XKR9: variants seen among roughly 807,000 people sequenced by gnomAD.
The protein encoded by XKR9 is XK-related protein 9.
XKR9 carries 32 observed loss-of-function variants against 32.0 expected under a neutral mutation model. The observed-to-expected ratio is 1.00, with a 90% CI of 0.76 to 1.34. XKR9 has a LOEUF of 1.34. Among genes scored for constraint, XKR9 ranks in the 40% most tolerant of loss-of-function variants. XKR9 has a pLI of 0.00. For synonymous variants in XKR9, 168 were observed against 143.4 expected (o/e 1.17, Z -1.22); for missense variants, 546 against 429.7 (o/e 1.27, Z -2.39).
rs748250359 is a variant in XKR9, at chr8:70,681,312, A to C, written c.254A>C (p.Gln85Pro). ...TGTTTTCTTCTACTTCATTGCTTGC[A>C]AGGAGGAGTTTTTACAAGGTGAGCA... ...QHCFLLLHCLQGGVFTRYWFA... is the reference protein window; with the variant it reads ...QHCFLLLHCLPGGVFTRYWFA... The change falls in exon 3 of 5, where the codon CAA becomes CCA. Residue 85 changes from glutamine to proline, a missense_variant. Transcript: ENST00000408926. The C allele has an allele frequency of 7.4e-6, 12 of 1,612,096 alleles. No homozygotes were observed. In the Admixed American group the frequency reaches 2.0e-4, roughly 27 times the overall value.
At chr8:70,855,996 A>G in the XKR9 span, among the ~76,000 whole-genome samples, 6 of 152,226 alleles carry the variant, frequency 3.9e-5, no homozygotes, top group Non-Finnish European at 8.8e-5. Flanking sequence ...ATGGAAAGGA[A>G]CAACTGGTAT....
the XKR9 span, among the ~76,000 whole-genome samples, chr8:71,045,629 G>T: frequency 6.6e-6 from 1 of 152,230 alleles, no homozygotes; most frequent in Non-Finnish European, 1.5e-5. Flanking sequence ...CTTAGCAGCA[G>T]GTGGTGTGCC....
chr8:70,829,631 G>A, the XKR9 span, among the ~76,000 whole-genome samples: 1 of 152,028 alleles, frequency 6.6e-6, no homozygotes, highest in Non-Finnish European at 1.5e-5. Context: ...TGTATTTTTA[G>A]TAGAGACGGG....
intron 3 of XKR9, among the ~76,000 whole-genome samples, chr8:70,704,614 T>A (rs1805655884): frequency 6.6e-6 from 1 of 152,100 alleles, no homozygotes; most frequent in South Asian, 2.1e-4. Flanking sequence ...ATTATTAGAG[T>A]CTTGCATTCT....
the XKR9 span, among the ~76,000 whole-genome samples, chr8:70,848,878 T>A: frequency 6.6e-6 from 1 of 151,362 alleles, no homozygotes; most frequent in Admixed American, 6.6e-5. Flanking sequence ...GGTAAAGGGA[T>A]CAATGCAACG....
At chr8:70,815,748 A>C in the XKR9 span, among the ~76,000 whole-genome samples, 2 of 151,892 alleles carry the variant, frequency 1.3e-5, no homozygotes, top group Admixed American at 1.3e-4. Flanking sequence ...GATGGTCTCG[A>C]TCTCCTGACC....
At chr8:70,933,949 C>T in the XKR9 span, among the ~76,000 whole-genome samples, 1 of 151,698 alleles carries the variant, frequency 6.6e-6, no homozygotes, top group Non-Finnish European at 1.5e-5. Context: ...TAATATTATC[C>T]CCATTTTGTG....
chr8:70,806,390 A>G, the XKR9 span, among the ~76,000 whole-genome samples: 2 of 152,192 alleles, frequency 1.3e-5, no homozygotes, highest in African/African-American at 4.8e-5. Context: ...TTCTCCAGCA[A>G]AAGTGCAGAA....
At chr8:70,997,221 C>T in the XKR9 span, among the ~76,000 whole-genome samples, 2 of 151,870 alleles carry the variant, frequency 1.3e-5, no homozygotes, top group Admixed American at 6.6e-5. Flanking sequence ...CGCTTGAACC[C>T]GGAAGGCGGA....
At chr8:71,051,827 C>G in the XKR9 span, among the ~76,000 whole-genome samples, 2 of 152,160 alleles carry the variant, frequency 1.3e-5, no homozygotes, top group African/African-American at 4.8e-5. Flanking sequence ...TTCCAAGCCC[C>G]TGTGTGCAGA....
chr8:70,971,254 T>A, the XKR9 span, among the ~76,000 whole-genome samples: 4 of 152,348 alleles, frequency 2.6e-5, no homozygotes, highest in African/African-American at 9.6e-5. Context: ...GTTGTCCATT[T>A]GTATATCTTC....
the XKR9 span, among the ~76,000 whole-genome samples, chr8:71,020,481 C>T: frequency 1.3e-4 from 20 of 152,240 alleles, no homozygotes; most frequent in South Asian, 6.2e-4. Context: ...ATGACAATTC[C>T]GTAGTATCAC....
intron 2 of XKR9, among the ~76,000 whole-genome samples, chr8:70,782,485 T>TA (rs918933446): frequency 7.3e-5 from 11 of 151,478 alleles, no homozygotes; most frequent in Non-Finnish European, 1.2e-4. Context: ...CATACAGTTG[T>TA]AAAAAAAAAT....
At chr8:70,696,500 C>G (rs1159630969) in intron 3 of XKR9, among the ~76,000 whole-genome samples, 1 of 149,178 alleles carries the variant, frequency 6.7e-6, no homozygotes, top group African/African-American at 2.5e-5. Context: ...TGTAGATATG[C>G]GGCGTTATTT....
the XKR9 span, among the ~76,000 whole-genome samples, chr8:71,030,582 G>A: frequency 1.3e-5 from 2 of 152,108 alleles, no homozygotes. Context: ...TCTAAACTAA[G>A]CTAGTACTTC....
At chr8:70,937,040 C>G in the XKR9 span, among the ~76,000 whole-genome samples, 4 of 151,814 alleles carry the variant, frequency 2.6e-5, no homozygotes, top group African/African-American at 9.7e-5. Context: ...ATGAGAGGTT[C>G]CGGAATGGTG....
At chr8:70,782,907 A>G (rs145954754) in intron 2 of XKR9, among the ~76,000 whole-genome samples, 19 of 152,294 alleles carry the variant, frequency 1.2e-4, no homozygotes, top group African/African-American at 4.1e-4. Flanking sequence ...CACCTCTTCT[A>G]CCAACTGATT....
At chr8:70,757,373 C>G (rs773637744) in intron 2 of XKR9, among the ~76,000 whole-genome samples, 7 of 151,910 alleles carry the variant, frequency 4.6e-5, no homozygotes, top group Non-Finnish European at 7.4e-5. Flanking sequence ...TTTGCAAGTT[C>G]TTTTTTCTTT....
At chr8:70,751,562 G>T (rs905911772) in intron 2 of XKR9, among the ~76,000 whole-genome samples, 1 of 152,170 alleles carries the variant, frequency 6.6e-6, no homozygotes, top group African/African-American at 2.4e-5. Flanking sequence ...AAGTAAGGAA[G>T]ATGTACCTTC....
Sources: allele counts gnomAD v4.1 joint callset (sites outside exome capture counted in the v4.1 genomes callset), GRCh38; gene constraint gnomAD v4.1.1; transcripts MANE v1.5; gene names NCBI Gene and HGNC (gene_info 2026-07-23, HGNC 2026-07-21).